KIAA0825: variants seen among roughly 807,000 people sequenced by gnomAD.
The protein encoded by KIAA0825 is KIAA0825, also known as uncharacterized protein KIAA0825.
A neutral mutation model predicts 147.6 loss-of-function variants in KIAA0825; 119 were observed. The observed-to-expected ratio is 0.81, with a 90% CI of 0.69 to 0.94. The LOEUF is 0.94. Ranked by LOEUF, KIAA0825 falls within the 40% of genes least tolerant of loss-of-function variation. The pLI is 0.00. For synonymous variants in KIAA0825, 470 were observed against 518.1 expected (o/e 0.91, Z 1.26); for missense variants, 1,381 against 1,472.7 (o/e 0.94, Z 1.02).
intron 20 of KIAA0825, among the ~76,000 whole-genome samples, chr5:94,201,773 G>C (rs1771720327): frequency 6.6e-6 from 1 of 152,142 alleles, no homozygotes; most frequent in South Asian, 2.1e-4. Context: ...GATCGGTATA[G>C]GGACCACTTC....
chr5:94,579,621 A>G (rs1561345832), intron 2 of KIAA0825, among the ~76,000 whole-genome samples: 1 of 152,216 alleles, frequency 6.6e-6, no homozygotes, highest in Non-Finnish European at 1.5e-5. Flanking sequence ...AGTGCTCTAA[A>G]TGAATTTGCA....
chr5:94,215,337 A>G (rs1377798839), intron 20 of KIAA0825, among the ~76,000 whole-genome samples: 1 of 152,230 alleles, frequency 6.6e-6, no homozygotes, highest in Non-Finnish European at 1.5e-5. Context: ...CACATAGGCC[A>G]GAGGAGAAAC....
At chr5:94,234,749 G>A (rs1400422700) in intron 20 of KIAA0825, among the ~76,000 whole-genome samples, 1 of 152,118 alleles carries the variant, frequency 6.6e-6, no homozygotes, top group African/African-American at 2.4e-5. Flanking sequence ...CAATGGGATG[G>A]CCCAAGGAAT....
intron 2 of KIAA0825, among the ~76,000 whole-genome samples, chr5:94,562,114 A>G (rs1167742702): frequency 2.6e-5 from 4 of 152,272 alleles, no homozygotes; most frequent in Admixed American, 2.6e-4. Flanking sequence ...TTAGATAAAA[A>G]CAATTTTTAA....
At chr5:94,243,632 T>C (rs1775463470) in intron 20 of KIAA0825, among the ~76,000 whole-genome samples, 1 of 152,158 alleles carries the variant, frequency 6.6e-6, no homozygotes, top group South Asian at 2.1e-4. Flanking sequence ...ATTCCCTGAA[T>C]TACTGTCACA....
chr5:94,540,309 G>A (rs1773026224), intron 2 of KIAA0825, among the ~76,000 whole-genome samples: 1 of 152,298 alleles, frequency 6.6e-6, no homozygotes, highest in East Asian at 1.9e-4. Flanking sequence ...TAGAACATGG[G>A]CTTAGGACAC....
rs946929032 is a variant in KIAA0825 at position 94,152,405 on chromosome 5, G to A, written c.*1602C>T. 6.6e-6 allele frequency among the ~76,000 whole-genome samples: 1 copy of A among 152,128 alleles called. No homozygotes were observed. Among genetic ancestry groups the A allele is most frequent in the Non-Finnish European group, 1.5e-5 (1 of 68,016 alleles). On this transcript the variant is annotated 3_prime_UTR_variant, in exon 21 of 21. Coordinates refer to ENST00000682413, the MANE Select transcript of KIAA0825 (RefSeq NM_001145678.3). The stretch of plus-strand genomic sequence containing the variant: ...AAATAGCCCATGATGTAAGGCTTCT[G>A]GGCCTGGTGTGGTGGCTTATGCCTA...
chr5:94,602,625 G>A (rs766844544), intron 1 of KIAA0825, among the ~76,000 whole-genome samples: 3 of 152,034 alleles, frequency 2.0e-5, no homozygotes, highest in Non-Finnish European at 2.9e-5. Flanking sequence ...GTTTTATAAC[G>A]GGCTTCCCTC....
chr5:94,485,076 T>C (rs372585366), intron 5 of KIAA0825, 146 bp from the exon 6 acceptor site: 62 of 465,564 alleles, frequency 1.3e-4, no homozygotes, highest in African/African-American at 5.0e-4. Flanking sequence ...GAAATACATA[T>C]AAAATCTCCT....
rs149817536 is a variant in KIAA0825, at chr5:94,491,006, A to G, written c.971-6076T>C. Among the ~76,000 whole-genome samples the G allele has an allele frequency of 3.0e-3, 452 of 152,270 alleles. 2 individuals carry two copies. Among genetic ancestry groups the G allele is most frequent in the African/African-American group, 0.01 (431 of 41,554 alleles). ...AGCACACATATTATTTTCCAAAGCT[A>G]TTAGCAACAGAATTCTTATTAATAA... is the stretch of plus-strand genomic sequence containing the variant. On this transcript the variant is annotated intron_variant, in intron 5 of 20. Coordinates refer to ENST00000682413, the MANE Select transcript of KIAA0825 (RefSeq NM_001145678.3).
At chr5:94,522,657 T>C (rs187039121) in intron 4 of KIAA0825, among the ~76,000 whole-genome samples, 37 of 151,732 alleles carry the variant, frequency 2.4e-4, no homozygotes, top group Admixed American at 3.9e-4. Flanking sequence ...TTTTTTAGCA[T>C]GTAGAAACTT....
intron 2 of KIAA0825, among the ~76,000 whole-genome samples, chr5:94,573,105 G>A: frequency 1.0e-5 from 1 of 95,292 alleles, no homozygotes. Flanking sequence ...AGAAAAGCGG[G>A]ACAACTCAAA....
intron 20 of KIAA0825, among the ~76,000 whole-genome samples, chr5:94,220,250 C>T (rs1562319453): frequency 1.3e-5 from 2 of 152,266 alleles, no homozygotes; most frequent in South Asian, 4.1e-4. Context: ...CATCTTATCC[C>T]ACTGGAAGTT....
chr5:94,498,514 T>A (rs916955708), intron 5 of KIAA0825, among the ~76,000 whole-genome samples: 3 of 152,238 alleles, frequency 2.0e-5, no homozygotes, highest in Admixed American at 2.0e-4. Context: ...AATCCTCTGG[T>A]GCCCATTCTT....
chr5:94,483,144 T>C (rs1762670322), intron 6 of KIAA0825, among the ~76,000 whole-genome samples: 1 of 152,018 alleles, frequency 6.6e-6, no homozygotes, highest in Non-Finnish European at 1.5e-5. Flanking sequence ...AAATCTATGC[T>C]TCAATTCTTG....
chr5:94,512,895 TATAA>T (rs913420252), intron 5 of KIAA0825, among the ~76,000 whole-genome samples: 3 of 151,986 alleles, frequency 2.0e-5, no homozygotes, highest in Non-Finnish European at 2.9e-5. Context: ...GACTCCATCT[TATAA>T]ATAAATAAAT....
At chr5:94,411,066 A>G (rs1752702982) in intron 15 of KIAA0825, among the ~76,000 whole-genome samples, 1 of 152,200 alleles carries the variant, frequency 6.6e-6, no homozygotes, top group Non-Finnish European at 1.5e-5. Flanking sequence ...CAACAATAGA[A>G]TAAAGGATAG....
intron 1 of KIAA0825, chr5:94,594,760 G>T (rs1369177705): frequency 2.5e-5 from 15 of 607,996 alleles, no homozygotes; most frequent in Non-Finnish European, 3.8e-5. Context: ...GACTACCTGA[G>T]AGAACATGCA....
At chr5:94,458,384 G>T (rs1417646124) in intron 12 of KIAA0825, among the ~76,000 whole-genome samples, 1 of 152,146 alleles carries the variant, frequency 6.6e-6, no homozygotes, top group Non-Finnish European at 1.5e-5. Flanking sequence ...TTAAAAGGAG[G>T]ATGAGTTTTA....
Sources: allele counts gnomAD v4.1 joint callset (sites outside exome capture counted in the v4.1 genomes callset), GRCh38; gene constraint gnomAD v4.1.1; transcripts MANE v1.5; gene names NCBI Gene and HGNC (gene_info 2026-07-23, HGNC 2026-07-21).